Variants in STS observed in about 807,000 individuals in gnomAD.
STS encodes the protein steryl-sulfatase.
In STS, 7 loss-of-function variants were observed where a neutral mutation model predicts 26.8. That is an observed-to-expected ratio of 0.26 (90% CI 0.15 to 0.49). The LOEUF is 0.49. Ranked by LOEUF, STS falls within the 20% of genes least tolerant of loss-of-function variation. The pLI, the probability that STS is intolerant of heterozygous loss-of-function variation, is 0.98. For synonymous variants in STS, 199 were observed against 189.4 expected, an observed-to-expected ratio of 1.05 and a Z score of -0.42; for missense variants, 434 against 465.6, an observed-to-expected ratio of 0.93 and a Z score of 0.63.
intron 10 of STS, among the ~76,000 whole-genome samples, chrX:7,335,346 C>T (rs1441120354): frequency 3.6e-5 from 4 of 112,417 alleles, no homozygotes; most frequent in Non-Finnish European, 7.5e-5. Context: ...ATTTGCATTT[C>T]TCTGATGGCC....
chrX:7,217,397 A>G (rs1159484518), intron 2 of STS, among the ~76,000 whole-genome samples: 2 of 112,043 alleles, frequency 1.8e-5, no homozygotes, highest in Non-Finnish European at 3.8e-5. Context: ...TTTGCATCAC[A>G]TACCACATTT....
intron 2 of STS, among the ~76,000 whole-genome samples, chrX:7,230,718 T>C (rs1055562188): frequency 9.0e-6 from 1 of 110,747 alleles, no homozygotes; most frequent in African/African-American, 3.3e-5. Flanking sequence ...CCATGAGATC[T>C]CATGAGAGCT....
chrX:7,289,115 C>T (rs1449847592), intron 7 of STS, among the ~76,000 whole-genome samples: 3 of 111,831 alleles, frequency 2.7e-5, no homozygotes, highest in Non-Finnish European at 5.6e-5. Context: ...AGGGCTTCAA[C>T]TGCTAGAGCT....
At chrX:7,337,390 G>A (rs748449223) in intron 10 of STS, among the ~76,000 whole-genome samples, 10 of 111,841 alleles carry the variant, frequency 8.9e-5, no homozygotes, top group African/African-American at 2.9e-4. Flanking sequence ...ACAGGGATGC[G>A]TAAGGAAAAC....
intron 8 of STS, among the ~76,000 whole-genome samples, chrX:7,321,228 A>C (rs142204348): frequency 0.059 from 6,613 of 111,200 alleles, 447 homozygotes; most frequent in African/African-American, 0.2. Context: ...ACATTGAGTA[A>C]ACATGGACAC....
intron 2 of STS, chrX:7,219,407 T>G (rs571062632): frequency 9.6e-7 from 1 of 1,036,459 alleles, no homozygotes; most frequent in South Asian, 2.9e-5. Flanking sequence ...CCCAAAAGAA[T>G]GCAGCAACTA....
chrX:7,218,530 A>G (rs1484591554), intron 2 of STS, among the ~76,000 whole-genome samples: 2 of 112,435 alleles, frequency 1.8e-5, no homozygotes, highest in Non-Finnish European at 3.8e-5. Flanking sequence ...ATGTAATGCT[A>G]AGAATATAGA....
In STS at chrX:7,352,919, G is replaced by A. The variant is rs1928863756; in HGVS notation, c.*2658G>A. ...GCCCACTTCTCAGATTTTTCTGAAGGGCATACAATGAAAAGTGAAGGGGAA... is the reference window on the plus strand; with the variant it reads ...GCCCACTTCTCAGATTTTTCTGAAGAGCATACAATGAAAAGTGAAGGGGAA... On this transcript the variant is annotated 3_prime_UTR_variant, in exon 11 of 11. Coordinates refer to ENST00000674429, the MANE Select transcript of STS (RefSeq NM_001320752.2). 9.1e-6 allele frequency: 1 copy of A among 110,187 alleles called. No homozygotes were observed. The highest frequency in any genetic ancestry group is 3.3e-5 in the African/African-American group (1 of 30,161). The allele number at this position is 110,187 out of a possible 1,213,427, so 9.1% of individuals were successfully genotyped here.
intron 10 of STS, among the ~76,000 whole-genome samples, chrX:7,342,886 A>G (rs1928357075): frequency 9.0e-6 from 1 of 111,534 alleles, no homozygotes; most frequent in South Asian, 3.8e-4. Flanking sequence ...GGGTATCTGG[A>G]TGAGACTAGG....
At chrX:7,223,995 G>A (rs1290201238) in intron 2 of STS, among the ~76,000 whole-genome samples, 6 of 110,979 alleles carry the variant, frequency 5.4e-5, no homozygotes, top group African/African-American at 2.0e-4. Context: ...AAGAGAAGGA[G>A]AAAGGAAAAG....
chrX:7,177,762 C>T (rs1178057407), intron 1 of STS, among the ~76,000 whole-genome samples: 1 of 110,511 alleles, frequency 9.0e-6, no homozygotes, highest in African/African-American at 3.3e-5. Context: ...TGATCCACCC[C>T]ACCTCGGCAA....
chrX:7,234,509 G>A (rs761939161), intron 2 of STS, among the ~76,000 whole-genome samples: 4 of 112,185 alleles, frequency 3.6e-5, no homozygotes, highest in Non-Finnish European at 7.5e-5. Context: ...GAGCTGTAGG[G>A]CTGGGACAGA....
rs1926490461 is a variant in STS at position 7,311,803 on chromosome X, T to C, written c.1081+6620T>C. Among the ~76,000 whole-genome samples the C allele has an allele frequency of 2.7e-5, 3 of 112,175 alleles. No homozygotes were observed. The Admixed American group carries it at 2.8e-4, about 11-fold the overall frequency. On this transcript the variant is annotated intron_variant, in intron 8 of 10. Coordinates refer to ENST00000674429, the MANE Select transcript of STS (RefSeq NM_001320752.2). The stretch of plus-strand genomic sequence containing the variant: ...AGTTTGAATCTGCAGTGAGCTATGA[T>C]TGCACCACTGCACTCCAGGCTGGTC...
At chrX:7,301,658 C>T (rs1322803481) in intron 7 of STS, among the ~76,000 whole-genome samples, 1 of 111,314 alleles carries the variant, frequency 9.0e-6, no homozygotes, top group Non-Finnish European at 1.9e-5. Flanking sequence ...TCCACAATTA[C>T]AGGATCATAC....
intron 9 of STS, among the ~76,000 whole-genome samples, chrX:7,331,673 G>A (rs1437540389): frequency 2.7e-5 from 3 of 111,016 alleles, no homozygotes; most frequent in African/African-American, 6.6e-5. Flanking sequence ...AGTTAACTGC[G>A]AATCCCACAA....
chrX:7,270,141 G>C (rs1169153883), intron 6 of STS, among the ~76,000 whole-genome samples: 2 of 112,156 alleles, frequency 1.8e-5, no homozygotes, highest in African/African-American at 6.5e-5. Context: ...GCAGCTGAAA[G>C]TTCTATCTTT....
At chrX:7,217,351 G>C (rs1439241403) in intron 2 of STS, among the ~76,000 whole-genome samples, 1 of 111,818 alleles carries the variant, frequency 8.9e-6, no homozygotes, top group African/African-American at 3.3e-5. Flanking sequence ...AAGGTCCCCA[G>C]AGGTCAGACA....
intron 6 of STS, among the ~76,000 whole-genome samples, chrX:7,263,875 A>T (rs913341154): frequency 1.3e-4 from 15 of 111,702 alleles, no homozygotes; most frequent in African/African-American, 3.9e-4. Context: ...TTACAAAGAG[A>T]TAAATTATTG....
chrX:7,247,061 G>T (rs1432733302), intron 2 of STS, among the ~76,000 whole-genome samples: 2 of 112,318 alleles, frequency 1.8e-5, no homozygotes, highest in African/African-American at 3.2e-5. Flanking sequence ...ATGTGTGTGT[G>T]TGTGTTTTCA....
Sources: gnomAD v4.1 joint callset for allele counts (sites outside exome capture counted in the v4.1 genomes callset) on GRCh38, gnomAD v4.1.1 for gene constraint, MANE v1.5 for transcripts, NCBI Gene and HGNC (gene_info 2026-07-23, HGNC 2026-07-21) for gene names.